The following ARHGAP21 variants were observed in gnomAD, a reference collection of about 807,000 sequenced individuals.
The protein encoded by ARHGAP21 is rho GTPase-activating protein 21.
In ARHGAP21, 38 loss-of-function variants were observed where a neutral mutation model predicts 164.6. The ratio of observed to expected loss-of-function variants is 0.23; its 90% CI spans 0.18 to 0.30. ARHGAP21 has a LOEUF of 0.30. ARHGAP21 is among the 10% of genes least tolerant of loss of function. ARHGAP21 has a pLI of 1.00. For missense variants in ARHGAP21, 1,822 were observed against 2,370.7 expected (o/e 0.77, Z 4.81); for synonymous variants, 766 against 857.9 (o/e 0.89, Z 1.87).
At chr10:24,676,056 G>C (rs1191240424) in intron 2 of ARHGAP21, among the ~76,000 whole-genome samples, 1 of 152,190 alleles carries the variant, frequency 6.6e-6, no homozygotes. Flanking sequence ...GCTGAGGCAG[G>C]AGAAGCACTA....
chr10:24,589,209 A>T, intron 25 of ARHGAP21, 62 bp downstream of exon 25: 1 of 1,438,048 alleles, frequency 7.0e-7, no homozygotes, highest in Non-Finnish European at 9.8e-7. Flanking sequence ...TGTATCAACC[A>T]TAACAATCAG....
chr10:24,607,689 T>C (rs1327442356), intron 10 of ARHGAP21, 56 bp downstream of exon 10: 1 of 1,610,538 alleles, frequency 6.2e-7, no homozygotes, highest in African/African-American at 1.3e-5. Flanking sequence ...ATCATACTAT[T>C]CTAAGTGGAA....
intron 25 of ARHGAP21, 58 bp downstream of exon 25, chr10:24,589,213 C>T (rs1592920628): frequency 6.9e-7 from 1 of 1,457,388 alleles, no homozygotes; most frequent in African/African-American, 1.4e-5. Flanking sequence ...TCAACCATAA[C>T]AATCAGCCGA....
Position 24,607,592 on chromosome 10 carries a change from C to T in ARHGAP21, c.2591G>A (p.Gly864Asp). 4 of 1,613,894 alleles carry T rather than the reference C, an allele frequency of 2.5e-6. No homozygotes were observed. Among genetic ancestry groups the T allele is most frequent in the Non-Finnish European group, 3.4e-6 (4 of 1,179,856 alleles). The change falls in exon 11 of 26, where the codon GGC becomes GAC. Residue 864 changes from glycine to aspartate, a missense_variant. Physicochemically the swap from Gly to Asp is moderately conservative, Grantham distance 94. This residue lies in a region of ARHGAP21 where 1,090 missense variants were observed against 1,378.9 expected (regional missense o/e 0.79). Transcript: ENST00000396432. The part of the protein sequence containing the change: ...RQLSHDHESV[G>D]PPSLDAQPNS... ...GGGCTGAGCATCCAGGCTAGGAGGG[C>T]CAACAGATTCTGTAATTAATTAAAA...
intron 25 of ARHGAP21, 78 bp from the exon 26 acceptor site, chr10:24,586,184 A>G (rs368317831): frequency 7.0e-7 from 1 of 1,432,624 alleles, no homozygotes; most frequent in East Asian, 2.4e-5. Flanking sequence ...TGTCTCCCAA[A>G]TATTTCTTAT....
chr10:24,641,997 G>GAAAA (rs202129015), intron 4 of ARHGAP21, among the ~76,000 whole-genome samples: 3 of 113,516 alleles, frequency 2.6e-5, no homozygotes, highest in African/African-American at 6.2e-5. Flanking sequence ...CTCCATCTTG[G>GAAAA]AAAAAAAAAA....
At chr10:24,601,058 T>C in intron 13 of ARHGAP21, 128 bp from the exon 14 acceptor site, 1 of 1,068,474 alleles carries the variant, frequency 9.4e-7, no homozygotes, top group South Asian at 1.7e-5. Flanking sequence ...CAGATTTAGC[T>C]CACTACATTA....
At chr10:24,623,072 C>A (rs565090731) in intron 7 of ARHGAP21, among the ~76,000 whole-genome samples, 1 of 152,150 alleles carries the variant, frequency 6.6e-6, no homozygotes, top group Non-Finnish European at 1.5e-5. Context: ...TAACATGCTA[C>A]AAAGCTTCCC....
At chr10:24,656,056 G>A (rs1292454925) in intron 4 of ARHGAP21, among the ~76,000 whole-genome samples, 11 of 146,874 alleles carry the variant, frequency 7.5e-5, no homozygotes, top group East Asian at 4.3e-4. Flanking sequence ...CCCTCCGCCC[G>A]GCAGCTGCCC....
At chr10:24,616,125 A>G (rs1833925653) in intron 9 of ARHGAP21, among the ~76,000 whole-genome samples, 1 of 152,154 alleles carries the variant, frequency 6.6e-6, no homozygotes, top group African/African-American at 2.4e-5. Context: ...CAAATAGTGG[A>G]AGCAAAAATC....
chr10:24,596,707 CTT>C (rs753641436), intron 17 of ARHGAP21, 31 bp downstream of exon 17: 85 of 1,612,900 alleles, frequency 5.3e-5, no homozygotes, highest in Non-Finnish European at 6.7e-5. Flanking sequence ...GAATTAATGA[CTT>C]GAGGAAATCC....
chr10:24,591,127 A>C lies in ARHGAP21; in HGVS notation c.4150+98T>G. On this transcript the variant is annotated intron_variant, in intron 24 of 25. Coordinates refer to ENST00000396432, the MANE Select transcript of ARHGAP21 (RefSeq NM_020824.4). The stretch of plus-strand genomic sequence containing the variant: ...AGTAGAAAGGAAGAGAAAAAGAAAA[A>C]AATCATAAGTAACAATTCACTATGA... 2.6e-6 allele frequency: 3 copies of C among 1,138,652 alleles called. No homozygotes were observed. In the South Asian group the frequency reaches 4.8e-5, roughly 18 times the overall value. 70.5% of individuals were successfully genotyped at this position (1,138,652 alleles called of 1,614,324 possible).
At chr10:24,646,101 T>C (rs1215328238) in intron 4 of ARHGAP21, among the ~76,000 whole-genome samples, 1 of 152,244 alleles carries the variant, frequency 6.6e-6, no homozygotes, top group Non-Finnish European at 1.5e-5. Flanking sequence ...TTTAATGTGC[T>C]TGGCATTTAC....
intron 2 of ARHGAP21, among the ~76,000 whole-genome samples, chr10:24,702,668 C>T (rs1475071327): frequency 6.6e-6 from 1 of 151,828 alleles, no homozygotes; most frequent in Non-Finnish European, 1.5e-5. Context: ...TTCACTGCAA[C>T]CTCCACTTCC....
chr10:24,666,806 G>C (rs1840240173), intron 4 of ARHGAP21, among the ~76,000 whole-genome samples, 179 bp downstream of exon 4: 1 of 152,006 alleles, frequency 6.6e-6, no homozygotes, highest in Non-Finnish European at 1.5e-5. Context: ...ATGAGACAAT[G>C]GAATTCATAA....
chr10:24,704,465 A>AT (rs55947040), intron 2 of ARHGAP21, among the ~76,000 whole-genome samples: 128,589 of 142,730 alleles, frequency 0.9, 57,947 homozygotes, highest in East Asian at 1. Context: ...TTATTTTTCT[A>AT]TTTTTTTTTT....
chr10:24,595,022 T>A lies in ARHGAP21; in HGVS notation c.3804A>T (p.Glu1268Asp), dbSNP rs2076517590. ...GGAACTTAAGTGTTTCATAATGATG[T>A]TCAGGCAAATCGTGAATCTGAAACA... ...TLKRLIHDLP[E>D]HHYETLKFLS... The change falls in exon 21 of 26, where the codon GAA becomes GAT. Residue 1268 changes from glutamate (E) to aspartate (D), a missense_variant. Transcript: ENST00000396432. 2 of 1,613,028 alleles carry A rather than the reference T, an allele frequency of 1.2e-6. No individual in the cohort carries two copies. Among genetic ancestry groups the A allele is most frequent in the Non-Finnish European group, 1.7e-6 (2 of 1,179,374 alleles).
chr10:24,719,413 G>T (rs1383998387), intron 2 of ARHGAP21, among the ~76,000 whole-genome samples: 1 of 152,088 alleles, frequency 6.6e-6, no homozygotes, highest in African/African-American at 2.4e-5. Context: ...ATCTCTGATT[G>T]TTTTTCAACA....
At position 24,596,856 on chromosome 10, in the gene ARHGAP21, C is replaced by T. The variant is rs111419738; in HGVS notation, c.3361G>A (p.Gly1121Ser). Residue 1121 changes from glycine to serine, a missense_variant, in exon 17 of 26, where the codon GGC becomes AGC. Transcript: ENST00000396432. ...KDDTSPPKDK[G>S]TWRKGIPSIM... is the part of the protein sequence containing the mutation. ...CTTGGAATGCCTTTTCTCCATGTGC[C>T]TTTGTCTTTTGGGGGACTGGTATCA... 6,297 of 1,609,500 alleles carry T rather than the reference C, an allele frequency of 3.9e-3. 228 individuals carry two copies. The African/African-American group carries it at 0.073, about 19-fold the overall frequency.
Sources: gnomAD v4.1 joint callset for allele counts (sites outside exome capture counted in the v4.1 genomes callset) on GRCh38, gnomAD v4.1.1 for gene constraint, gnomAD v4.1.1 regional missense constraint, MANE v1.5 for transcripts, NCBI Gene and HGNC (gene_info 2026-07-23, HGNC 2026-07-21) for gene names.